Variants in AKR7A2 observed in about 807,000 individuals in gnomAD.
AKR7A2 encodes the protein aflatoxin B1 aldehyde reductase member 2.
Under a neutral mutation model 37.3 loss-of-function variants are expected in AKR7A2, and 29 were observed. That is an observed-to-expected ratio of 0.78 (90% CI 0.58 to 1.06). AKR7A2 has a LOEUF of 1.06. Among genes scored for constraint, AKR7A2 ranks in the 50% least tolerant of loss-of-function variants. The probability of loss-of-function intolerance (pLI) is 0.00; values close to 1 mark genes in which losing one functional copy is unlikely to be tolerated. For missense variants in AKR7A2, 529 were observed against 497.9 expected (o/e 1.06, Z -0.59); for synonymous variants, 228 against 217.8 (o/e 1.05, Z -0.41).
chr1:19,305,907 A>T, intron 6 of AKR7A2, 111 bp downstream of exon 6: 1 of 1,581,234 alleles, frequency 6.3e-7, no homozygotes, highest in Non-Finnish European at 8.7e-7. Flanking sequence ...GAGAATTGGA[A>T]GAAAGAAAAA....
intron 3 of AKR7A2, chr1:19,307,643 C>T (rs1430046970): frequency 1.8e-5 from 11 of 597,360 alleles, no homozygotes; most frequent in Non-Finnish European, 3.3e-5. Flanking sequence ...ACACTGGTTA[C>T]AACCACAAGT....
intron 1 of AKR7A2, among the ~76,000 whole-genome samples, chr1:19,308,990 G>A (rs1472477064): frequency 6.6e-6 from 1 of 152,144 alleles, no homozygotes; most frequent in Non-Finnish European, 1.5e-5. Flanking sequence ...GGAGGGAAAG[G>A]CACACGATGC....
chr1:19,304,212 A>C lies in AKR7A2; in HGVS notation c.*13T>G, dbSNP rs549804370. On this transcript the variant is annotated 3_prime_UTR_variant, in exon 7 of 7. Transcript: ENST00000235835. ...TGACAGAAAAGCCTTGGGCAGCCTG[A>C]GCCATGATGGGCCTAGCGGAAGTAG... 6.2e-7 allele frequency: 1 copy of C among 1,614,202 alleles called. No individual in the cohort carries two copies. The highest frequency in any genetic ancestry group is 1.3e-5 in the African/African-American group (1 of 75,058).
In AKR7A2 at chr1:19,311,770, G is replaced by A. The variant is rs937168088; in HGVS notation, c.298+57C>T. ...CCGGGCCCGAGCGGGGTGGTGCACG[G>A]CTGGGGACAGGCTCAGCTCTACACG... On this transcript the variant is annotated intron_variant, in intron 1 of 6. Transcript: ENST00000235835. The A allele has an allele frequency of 2.2e-5, 35 of 1,603,714 alleles. No homozygotes were observed. The Admixed American group carries it at 5.7e-4, about 26-fold the overall frequency.
At chr1:19,308,429 C>T in intron 2 of AKR7A2, 26 bp downstream of exon 2, 1 of 1,612,084 alleles carries the variant, frequency 6.2e-7, no homozygotes, top group Non-Finnish European at 8.5e-7. Context: ...AGGAGCCCAC[C>T]TTTGGAGCTC....
At chr1:19,310,516 G>A (rs1213311604) in intron 1 of AKR7A2, among the ~76,000 whole-genome samples, 3 of 152,114 alleles carry the variant, frequency 2.0e-5, no homozygotes, top group Admixed American at 2.0e-4. Context: ...TGGCCAATAT[G>A]GTGAAACCCC....
At chr1:19,311,530 C>G (rs374314545) in intron 1 of AKR7A2, among the ~76,000 whole-genome samples, 10 of 151,932 alleles carry the variant, frequency 6.6e-5, no homozygotes, top group Non-Finnish European at 7.4e-5. Context: ...CGGTTGTGGG[C>G]ACCTGGCAGG....
chr1:19,311,944 G>T lies in AKR7A2; in HGVS notation c.181C>A (p.Arg61Ser), dbSNP rs867302271. ...GTGTGGCCGCGCTCCAGAAAGGCGC[G>T]CACGGCCGCGGCGCTGGCGGGCGCG... Reference protein sequence around the residue: ...MDAPASAAAVRAFLERGHTEL... With the variant: ...MDAPASAAAVSAFLERGHTEL... Residue 61 changes from arginine to serine, a missense_variant, in exon 1 of 7, where the codon CGC becomes AGC. By Grantham distance (110) the Arg-to-Ser change is moderately radical. Coordinates refer to ENST00000235835, the MANE Select transcript of AKR7A2 (RefSeq NM_003689.4). 1.3e-6 allele frequency: 2 copies of T among 1,597,380 alleles called. No individual in the cohort carries two copies. Among genetic ancestry groups the T allele is most frequent in the African/African-American group, 2.7e-5 (2 of 74,502 alleles).
chr1:19,308,087 C>CA (rs1421510648), intron 3 of AKR7A2, 71 bp downstream of exon 3: 2 of 1,594,362 alleles, frequency 1.3e-6, no homozygotes, highest in East Asian at 4.5e-5. Context: ...AGGGGGCAGT[C>CA]AGGGGGGCAA....
chr1:19,304,127 GA>G lies in AKR7A2; in HGVS notation c.*97del. On this transcript the variant is annotated 3_prime_UTR_variant, in exon 7 of 7. Transcript: ENST00000235835. ...ATAATGCATGGATCTAGACAATTCA[GA>G]AAAACCCTTCTAAGTCAGCTTAAGG... 1.3e-6 allele frequency: 2 copies of G among 1,589,302 alleles called. No homozygotes were observed. Among genetic ancestry groups the G allele is most frequent in the Non-Finnish European group, 1.7e-6 (2 of 1,158,178 alleles).
At chr1:19,311,801 T>TG in intron 1 of AKR7A2, 26 bp downstream of exon 1, 1 of 1,609,490 alleles carries the variant, frequency 6.2e-7, no homozygotes. Context: ...ACACGATGCA[T>TG]GGGGAGGATC....
intron 3 of AKR7A2, 79 bp downstream of exon 3, chr1:19,308,079 G>T (rs892864881): frequency 6.4e-7 from 1 of 1,566,552 alleles, no homozygotes; most frequent in Non-Finnish European, 8.8e-7. Flanking sequence ...GACGGCACAG[G>T]GGGCAGTCAG....
downstream of AKR7A2, chr1:19,303,938 CA>C: frequency 2.2e-6 from 1 of 464,624 alleles, no homozygotes; most frequent in African/African-American, 2.0e-5. Flanking sequence ...GGATGGGAAA[CA>C]AAGTGTTAAC....
intron 6 of AKR7A2, among the ~76,000 whole-genome samples, chr1:19,304,761 C>T: frequency 6.6e-6 from 1 of 152,066 alleles, no homozygotes; most frequent in East Asian, 1.9e-4. Flanking sequence ...CAGAGAGAGA[C>T]TCTGTCTCTA....
chr1:19,305,544 T>C (rs1369381732), intron 6 of AKR7A2, among the ~76,000 whole-genome samples: 1 of 152,174 alleles, frequency 6.6e-6, no homozygotes, highest in Non-Finnish European at 1.5e-5. Context: ...CCCATTTTCT[T>C]GCCCAGGCTA....
intron 3 of AKR7A2, 181 bp downstream of exon 3, chr1:19,307,977 T>C: frequency 1.3e-6 from 1 of 747,014 alleles, no homozygotes; most frequent in Non-Finnish European, 2.3e-6. Context: ...AGGAAGCAGA[T>C]GCCCAGTGGC....
At chr1:19,306,227 C>T (rs938022229) in intron 5 of AKR7A2, 80 bp from the exon 6 acceptor site, 1 of 1,593,178 alleles carries the variant, frequency 6.3e-7, no homozygotes, top group Non-Finnish European at 8.6e-7. Context: ...CCATCCAGGA[C>T]CACTGCCCCA....
At chr1:19,308,763 A>G (rs1226005627) in intron 1 of AKR7A2, 121 bp from the exon 2 acceptor site, 27 of 990,164 alleles carry the variant, frequency 2.7e-5, no homozygotes, top group Non-Finnish European at 3.6e-5. Context: ...TGGGGTGATA[A>G]TAATCAAACT....
At chr1:19,311,731 G>C (rs2093776354) in intron 1 of AKR7A2, 96 bp downstream of exon 1, 1 of 1,507,444 alleles carries the variant, frequency 6.6e-7, no homozygotes, top group Non-Finnish European at 9.1e-7. Flanking sequence ...CGAATCCGTC[G>C]GTGCTGCCCG....
Sources: gnomAD v4.1 joint callset for allele counts (sites outside exome capture counted in the v4.1 genomes callset) on GRCh38, gnomAD v4.1.1 for gene constraint, MANE v1.5 for transcripts, NCBI Gene and HGNC (gene_info 2026-07-23, HGNC 2026-07-21) for gene names.